The following TRIML1 variants were observed in gnomAD, a reference collection of about 807,000 sequenced individuals.
TRIML1 encodes probable E3 ubiquitin-protein ligase TRIML1.
Under a neutral mutation model 32.3 loss-of-function variants are expected in TRIML1, and 34 were observed. The ratio of observed to expected loss-of-function variants is 1.05; its 90% CI spans 0.80 to 1.40. The LOEUF (loss-of-function observed/expected upper bound fraction) is 1.40. Among genes scored for constraint, TRIML1 ranks in the 40% most tolerant of loss-of-function variants. TRIML1 has a pLI of 0.00. For missense variants in TRIML1, 595 were observed against 574.9 expected (o/e 1.03, Z -0.36); for synonymous variants, 244 against 226.6 (o/e 1.08, Z -0.69).
chr4:188,140,409 G>C (rs538261010), intron 1 of TRIML1, 119 bp from the exon 2 acceptor site: 1 of 758,382 alleles, frequency 1.3e-6, no homozygotes, highest in Non-Finnish European at 2.2e-6. Flanking sequence ...GGCGTGAGGC[G>C]CCGCACCCAG....
rs767151289 is a variant in TRIML1 at position 188,140,597 on chromosome 4, GAGA to G, written c.481_483del (p.Lys161del). 2 of 1,613,942 alleles carry G rather than the reference GAGA, an allele frequency of 1.2e-6. No individual in the cohort carries two copies. The highest frequency in any genetic ancestry group is 1.1e-5 in the South Asian group (1 of 91,076). On this transcript the variant is annotated inframe_deletion, in exon 2 of 6. Coordinates refer to ENST00000332517, the MANE Select transcript of TRIML1 (RefSeq NM_178556.5). ...GGAAGCTCAGGCTGTACTAACCCATGAGAAGGAGAGAGTGAAACTGTGCCAGGT... is the reference window on the plus strand; with the variant it reads ...GGAAGCTCAGGCTGTACTAACCCATGAGGAGAGAGTGAAACTGTGCCAGGT...
At chr4:188,144,718 C>T (rs115921938) in intron 5 of TRIML1, among the ~76,000 whole-genome samples, 19 of 152,112 alleles carry the variant, frequency 1.2e-4, no homozygotes, top group African/African-American at 4.6e-4. Flanking sequence ...CCCCCTTGCA[C>T]GTGCAGACAC....
At chr4:188,143,655 G>A in intron 3 of TRIML1, 183 bp from the exon 4 acceptor site, 2 of 711,174 alleles carry the variant, frequency 2.8e-6, no homozygotes. Flanking sequence ...AACACCTTGT[G>A]TTCACCACAG....
intron 5 of TRIML1, 112 bp from the exon 6 acceptor site, chr4:188,146,710 A>G: frequency 1.1e-6 from 1 of 907,904 alleles, no homozygotes; most frequent in Non-Finnish European, 1.5e-6. Context: ...CCCGGCCCCA[A>G]ATTACATTTA....
rs116689804 is a variant in TRIML1, at chr4:188,141,628, A to G, written c.505-624A>G. Among the ~76,000 whole-genome samples, 909 of 152,184 alleles carry G rather than the reference A, an allele frequency of 6.0e-3. 12 individuals are homozygous for G. Among genetic ancestry groups the G allele is most frequent in the African/African-American group, 0.021 (884 of 41,514 alleles). On this transcript the variant is annotated intron_variant, in intron 2 of 5. Transcript: ENST00000332517. ...TTTTATTTGTATCATAGTCCTGATC[A>G]CTACTTGTCATATTTCTTACTCATT... is the stretch of plus-strand genomic sequence containing the variant.
downstream of TRIML1, among the ~76,000 whole-genome samples, chr4:188,148,812 G>C (rs1236641270): frequency 6.6e-6 from 1 of 151,500 alleles, no homozygotes; most frequent in Non-Finnish European, 1.5e-5. Flanking sequence ...ATTTTGGCCA[G>C]GCTGGTCTTG....
chr4:188,143,551 C>T (rs1560972123), intron 3 of TRIML1: 1 of 449,320 alleles, frequency 2.2e-6, no homozygotes, highest in East Asian at 4.4e-5. Flanking sequence ...ATGATCGAGA[C>T]TAACAGGTTG....
chr4:188,149,785 G>C (rs1216681924), downstream of TRIML1, among the ~76,000 whole-genome samples: 1 of 152,058 alleles, frequency 6.6e-6, no homozygotes, highest in Non-Finnish European at 1.5e-5. Context: ...GTGGCCCACT[G>C]TGTTTCCTTC....
At chr4:188,137,295 CTTTTTTTTTTTT>C (rs67050879), upstream of TRIML1, among the ~76,000 whole-genome samples, 795 of 58,870 alleles carry the variant, frequency 0.014, 19 homozygotes, top group African/African-American at 0.047. Context: ...TTATTGTAGT[CTTTTTTTTTTTT>C]TTTTTTTTTT....
In TRIML1 at chr4:188,146,896, G is replaced by T. The variant is rs767983141; in HGVS notation, c.931G>T (p.Gly311Trp). The change falls in exon 6 of 6, where the codon GGG (glycine) becomes TGG (tryptophan). Residue 311 changes from glycine (G) to tryptophan (W), a missense_variant. Coordinates refer to ENST00000332517, the MANE Select transcript of TRIML1 (RefSeq NM_178556.5). ...LSEDLKSVKY[G>W]GSRQQLPDNP... ...GGAGGATCTGAAGAGTGTGAAATAT[G>T]GGGGAAGCAGACAGCAGCTACCCGA... 58 of 1,494,920 alleles carry T rather than the reference G, an allele frequency of 3.9e-5. No homozygotes were observed. Among genetic ancestry groups the T allele is most frequent in the Non-Finnish European group, 1.8e-6 (2 of 1,121,708 alleles). 92.6% of individuals were successfully genotyped at this position (1,494,920 alleles called of 1,614,324 possible). A position where few individuals can be genotyped will look rare whatever the true frequency, so the allele number is the denominator to read the frequency against.
intron 5 of TRIML1, among the ~76,000 whole-genome samples, chr4:188,145,152 T>C (rs1415652937): frequency 6.6e-6 from 1 of 151,904 alleles, no homozygotes. Flanking sequence ...AATGGTATGA[T>C]TGGGGCCGGG....
At chr4:188,144,816 G>A (rs931589357) in intron 5 of TRIML1, among the ~76,000 whole-genome samples, 2 of 152,138 alleles carry the variant, frequency 1.3e-5, no homozygotes, top group Non-Finnish European at 2.9e-5. Flanking sequence ...CAGTGAGGGT[G>A]CATTCAACGA....
intron 3 of TRIML1, chr4:188,142,793 T>C (rs1419388645): frequency 3.5e-6 from 1 of 286,202 alleles, no homozygotes; most frequent in Admixed American, 5.0e-5. Flanking sequence ...GTGTATTTAC[T>C]ATGTGCTGGG....
downstream of TRIML1, among the ~76,000 whole-genome samples, chr4:188,150,055 C>T (rs1417511311): frequency 1.3e-5 from 2 of 152,096 alleles, no homozygotes; most frequent in Non-Finnish European, 2.9e-5. Context: ...CCGCCCACCT[C>T]AGCCTCCCAA....
intron 2 of TRIML1, among the ~76,000 whole-genome samples, chr4:188,141,949 T>G (rs1174557938): frequency 1.3e-5 from 2 of 151,700 alleles, no homozygotes; most frequent in African/African-American, 4.8e-5. Context: ...CCATCTTTAC[T>G]AAAAATACAA....
chr4:188,142,249 C>T lies in TRIML1; in HGVS notation c.505-3C>T, dbSNP rs769961263. On this transcript the variant is annotated splice_region_variant and splice_polypyrimidine_tract_variant and intron_variant, in intron 2 of 5. Transcript: ENST00000332517. The stretch of plus-strand genomic sequence containing the variant: ...GTGTGTGTGTGTGTGTGTGTTTTGG[C>T]AGGAAGAAACAAAGACTTGTAAACA... 4 of 1,522,664 alleles carry T rather than the reference C, an allele frequency of 2.6e-6. No individual in the cohort carries two copies. Among genetic ancestry groups the T allele is most frequent in the Non-Finnish European group, 3.6e-6 (4 of 1,121,864 alleles). The allele number at this position is 1,522,664 out of a possible 1,614,324, so 94.3% of individuals were successfully genotyped here. A position where few individuals can be genotyped will look rare whatever the true frequency, so the allele number is the denominator to read the frequency against.
chr4:188,143,804 G>A (rs1223427395), intron 3 of TRIML1, 34 bp from the exon 4 acceptor site: 6 of 1,613,536 alleles, frequency 3.7e-6, no homozygotes, highest in Non-Finnish European at 5.1e-6. Flanking sequence ...TGATCAAAGC[G>A]CACCATGCTA....
chr4:188,140,103 C>A, intron 1 of TRIML1, 137 bp downstream of exon 1: 1 of 870,708 alleles, frequency 1.1e-6, no homozygotes, highest in Non-Finnish European at 1.7e-6. Context: ...TGGCGTGGGT[C>A]CAGTTTACAC....
chr4:188,142,245 T>C lies in TRIML1; in HGVS notation c.505-7T>C, dbSNP rs779748371. The C allele has an allele frequency of 1.3e-6, 2 of 1,566,620 alleles. No homozygotes were observed. Among genetic ancestry groups the C allele is most frequent in the Non-Finnish European group, 1.7e-6 (2 of 1,143,078 alleles). On this transcript the variant is annotated splice_region_variant and splice_polypyrimidine_tract_variant and intron_variant, in intron 2 of 5. Transcript: ENST00000332517. ...GTGTGTGTGTGTGTGTGTGTGTGTTTTGGCAGGAAGAAACAAAGACTTGTA... is the reference window on the plus strand; with the variant it reads ...GTGTGTGTGTGTGTGTGTGTGTGTTCTGGCAGGAAGAAACAAAGACTTGTA...
Sources: allele counts gnomAD v4.1 joint callset (sites outside exome capture counted in the v4.1 genomes callset), GRCh38; gene constraint gnomAD v4.1.1; transcripts MANE v1.5; gene names NCBI Gene and HGNC (gene_info 2026-07-23, HGNC 2026-07-21).